Variants in THSD7B observed in about 807,000 individuals in gnomAD.
The protein encoded by THSD7B is thrombospondin type 1 domain containing 7B, also known as thrombospondin type-1 domain-containing protein 7B.
THSD7B carries 138 observed loss-of-function variants against 213.6 expected under a neutral mutation model. The observed-to-expected ratio is 0.65, with a 90% confidence interval of 0.56 to 0.74. THSD7B has a LOEUF of 0.74. THSD7B is among the 30% of genes least tolerant of loss of function. THSD7B has a pLI of 0.00. For synonymous variants in THSD7B, 742 were observed against 687.0 expected, an observed-to-expected ratio of 1.08 and a Z score of -1.25; for missense variants, 1,931 against 1,991.5, an observed-to-expected ratio of 0.97 and a Z score of 0.58.
At chr2:137,213,450 T>C (rs1298038424) in intron 7 of THSD7B, among the ~76,000 whole-genome samples, 2 of 148,092 alleles carry the variant, frequency 1.4e-5, no homozygotes, top group East Asian at 1.9e-4. Flanking sequence ...TATATTATAA[T>C]ATATTGTCAT....
intron 1 of THSD7B, among the ~76,000 whole-genome samples, chr2:136,802,875 A>G: frequency 6.6e-6 from 1 of 151,552 alleles, no homozygotes; most frequent in East Asian, 1.9e-4. Context: ...TATTAACACC[A>G]TTATTTAGAT....
At chr2:136,895,811 C>G (rs1683948774) in intron 2 of THSD7B, among the ~76,000 whole-genome samples, 1 of 152,086 alleles carries the variant, frequency 6.6e-6, no homozygotes. Context: ...AATCTACTTT[C>G]CGTCTCAATA....
intron 2 of THSD7B, among the ~76,000 whole-genome samples, chr2:137,043,059 C>T (rs1379206266): frequency 6.6e-6 from 1 of 152,182 alleles, no homozygotes; most frequent in Non-Finnish European, 1.5e-5. Context: ...GGTCTGTCAG[C>T]CCCTGGGCTG....
At chr2:136,888,219 A>G (rs1683752030) in intron 2 of THSD7B, among the ~76,000 whole-genome samples, 1 of 152,156 alleles carries the variant, frequency 6.6e-6, no homozygotes, top group Admixed American at 6.5e-5. Flanking sequence ...TTTTAATTTC[A>G]GTAGCTCATG....
chr2:137,511,157 T>C (rs1441200270), intron 15 of THSD7B, among the ~76,000 whole-genome samples: 1 of 152,224 alleles, frequency 6.6e-6, no homozygotes, highest in East Asian at 1.9e-4. Context: ...CTGAAGTTTA[T>C]TTGTTTGATC....
intron 15 of THSD7B, among the ~76,000 whole-genome samples, chr2:137,463,282 A>G (rs943082524): frequency 6.6e-6 from 1 of 152,160 alleles, no homozygotes; most frequent in African/African-American, 2.4e-5. Flanking sequence ...GCAAGGAGAT[A>G]CAACTGTATT....
At chr2:137,581,136 C>T (rs1681565447) in intron 17 of THSD7B, among the ~76,000 whole-genome samples, 1 of 151,934 alleles carries the variant, frequency 6.6e-6, no homozygotes, top group Admixed American at 6.6e-5. Flanking sequence ...TGTATATATA[C>T]AATATATTAA....
chr2:136,798,332 T>C (rs558892285), intron 1 of THSD7B, among the ~76,000 whole-genome samples: 1 of 152,082 alleles, frequency 6.6e-6, no homozygotes, highest in East Asian at 1.9e-4. Flanking sequence ...AACAATTCCT[T>C]GAAAACTTTG....
chr2:137,402,645 C>T lies in THSD7B; in HGVS notation c.2501-2968C>T, dbSNP rs189552803. 2.8e-3 allele frequency among the ~76,000 whole-genome samples: 419 copies of T among 151,762 alleles called. 1 individual carries two copies. The highest frequency in any genetic ancestry group is 4.3e-3 in the Non-Finnish European group (295 of 67,910). On this transcript the variant is annotated intron_variant, in intron 12 of 27. Coordinates refer to ENST00000409968, the MANE Select transcript of THSD7B (RefSeq NM_001316349.2). ...CAGCCTGGCCAACATGATGAAACCC[C>T]ATCTCTACTAAAAATACCAAAAAAT...
chr2:137,517,449 G>A (rs2105161231), intron 15 of THSD7B, among the ~76,000 whole-genome samples: 1 of 152,338 alleles, frequency 6.6e-6, no homozygotes, highest in Non-Finnish European at 1.5e-5. Context: ...GTCTGGTGGT[G>A]TGAGGCCTGT....
chr2:136,945,901 G>A (rs1306438555), intron 2 of THSD7B, among the ~76,000 whole-genome samples: 1 of 152,048 alleles, frequency 6.6e-6, no homozygotes, highest in Non-Finnish European at 1.5e-5. Context: ...TGATGGGTTT[G>A]AACATCCTCC....
chr2:137,106,599 T>A (rs537657381), intron 4 of THSD7B, among the ~76,000 whole-genome samples: 15 of 152,142 alleles, frequency 9.9e-5, no homozygotes, highest in African/African-American at 3.6e-4. Context: ...ATCATTAGAG[T>A]GAACAGGAAA....
At chr2:137,108,010 A>G (rs1688287602) in intron 4 of THSD7B, among the ~76,000 whole-genome samples, 2 of 152,258 alleles carry the variant, frequency 1.3e-5, no homozygotes, top group Admixed American at 6.5e-5. Flanking sequence ...AACAGACATT[A>G]TCATAAATTA....
intron 2 of THSD7B, among the ~76,000 whole-genome samples, chr2:137,030,311 G>C (rs1455587888): frequency 6.6e-6 from 1 of 152,132 alleles, no homozygotes; most frequent in African/African-American, 2.4e-5. Flanking sequence ...TTTCTTTGAT[G>C]CTTTTCATTT....
In THSD7B at chr2:137,061,301, C is replaced by CAAAA. The variant is rs35908147; in HGVS notation, c.950+4078_950+4081dup. Among the ~76,000 whole-genome samples, 400 of 145,024 alleles carry CAAAA rather than the reference C, an allele frequency of 2.8e-3. 3 individuals are homozygous for CAAAA. The highest frequency in any genetic ancestry group is 9.1e-3 in the African/African-American group (369 of 40,406). ...AATAAGCATGTCAGCATGTCATCTG[C>CAAAA]AAAAAAAAAAGGAAAAATTATTGCT... On this transcript the variant is annotated intron_variant, in intron 3 of 27. Transcript: ENST00000409968.
intron 11 of THSD7B, among the ~76,000 whole-genome samples, 197 bp downstream of exon 11, chr2:137,272,859 C>G (rs925895699): frequency 6.6e-6 from 1 of 151,868 alleles, no homozygotes; most frequent in East Asian, 1.9e-4. Flanking sequence ...GTCTAATTAA[C>G]AGGGGGAAAA....
chr2:137,244,883 A>G (rs955538556), intron 10 of THSD7B, among the ~76,000 whole-genome samples: 5 of 152,180 alleles, frequency 3.3e-5, no homozygotes, highest in African/African-American at 7.2e-5. Flanking sequence ...ATTTGGAGGA[A>G]ATTGTATCTA....
At chr2:137,004,296 T>TACACACACACACACAC in intron 2 of THSD7B, among the ~76,000 whole-genome samples, 1 of 131,584 alleles carries the variant, frequency 7.6e-6, no homozygotes, top group African/African-American at 2.9e-5. Flanking sequence ...TGTGCACACG[T>TACACACACACACACAC]ACACACACAC....
At chr2:137,172,494 G>T (rs1409459356) in intron 7 of THSD7B, among the ~76,000 whole-genome samples, 1 of 152,122 alleles carries the variant, frequency 6.6e-6, no homozygotes, top group Non-Finnish European at 1.5e-5. Context: ...GTGCTGAGAG[G>T]GTGGCAGATC....
Sources: allele counts gnomAD v4.1 joint callset (sites outside exome capture counted in the v4.1 genomes callset), GRCh38; gene constraint gnomAD v4.1.1; transcripts MANE v1.5; gene names NCBI Gene and HGNC (gene_info 2026-07-23, HGNC 2026-07-21).